BRAF: variants seen among roughly 807,000 people sequenced by gnomAD.
BRAF encodes the protein B-Raf proto-oncogene, serine/threonine kinase.
Under a neutral mutation model 104.6 loss-of-function variants are expected in BRAF, and 16 were observed. The ratio of observed to expected loss-of-function variants is 0.15; its 90% CI spans 0.10 to 0.23. The LOEUF is 0.23. BRAF is among the 10% of genes least tolerant of loss of function. BRAF has a pLI of 1.00. For missense variants in BRAF, 541 were observed against 937.3 expected, an observed-to-expected ratio of 0.58 and a Z score of 5.52; for synonymous variants, 310 against 341.6, an observed-to-expected ratio of 0.91 and a Z score of 1.02.
intron 17 of BRAF, among the ~76,000 whole-genome samples, chr7:140,742,073 A>G (rs924150553): frequency 2.0e-5 from 3 of 152,224 alleles, no homozygotes; most frequent in Non-Finnish European, 4.4e-5. Flanking sequence ...AAGGTGAGTG[A>G]TAACTTTTTG....
chr7:140,775,783 C>G (rs946890114), intron 14 of BRAF, among the ~76,000 whole-genome samples: 32 of 151,930 alleles, frequency 2.1e-4, no homozygotes, highest in Admixed American at 6.6e-4. Context: ...GTATTTTGGC[C>G]GAATATAGGC....
At chr7:140,759,062 C>T (rs918826700) in intron 14 of BRAF, among the ~76,000 whole-genome samples, 3 of 152,214 alleles carry the variant, frequency 2.0e-5, no homozygotes, top group Non-Finnish European at 4.4e-5. Flanking sequence ...GTGAGATTCA[C>T]GCACTGGCTG....
chr7:140,784,532 A>G (rs1174102217), intron 10 of BRAF, among the ~76,000 whole-genome samples: 1 of 152,220 alleles, frequency 6.6e-6, no homozygotes, highest in African/African-American at 2.4e-5. Context: ...GGGCTGAGAG[A>G]GCAAAAATCT....
intron 1 of BRAF, among the ~76,000 whole-genome samples, chr7:140,912,821 T>G (rs890874086): frequency 6.6e-6 from 1 of 152,232 alleles, no homozygotes; most frequent in Non-Finnish European, 1.5e-5. Context: ...GTGCTGGGAT[T>G]ACAGGCGTGA....
chr7:140,759,529 G>A (rs1798490551), intron 14 of BRAF, among the ~76,000 whole-genome samples: 1 of 152,196 alleles, frequency 6.6e-6, no homozygotes, highest in South Asian at 2.1e-4. Context: ...TGGGATTACA[G>A]GCAAGTACCA....
intron 8 of BRAF, among the ~76,000 whole-genome samples, chr7:140,788,417 GAAGT>G (rs1321355295): frequency 6.6e-6 from 1 of 152,058 alleles, no homozygotes; most frequent in Non-Finnish European, 1.5e-5. Flanking sequence ...TCAATTTAAT[GAAGT>G]ATTATGCAGC....
At chr7:140,765,539 C>T (rs1280576355) in intron 14 of BRAF, among the ~76,000 whole-genome samples, 6 of 151,856 alleles carry the variant, frequency 4.0e-5, no homozygotes, top group Non-Finnish European at 8.8e-5. Flanking sequence ...AAAATTTTCG[C>T]AACCTACTCA....
chr7:140,742,169 G>A (rs1207397851), intron 17 of BRAF, among the ~76,000 whole-genome samples: 1 of 151,788 alleles, frequency 6.6e-6, no homozygotes, highest in Non-Finnish European at 1.5e-5. Flanking sequence ...TGCCAGAGGT[G>A]TATAGACATG....
At chr7:140,862,680 A>T (rs1810545986) in intron 1 of BRAF, among the ~76,000 whole-genome samples, 1 of 152,170 alleles carries the variant, frequency 6.6e-6, no homozygotes, top group Non-Finnish European at 1.5e-5. Flanking sequence ...GAAGACGGAA[A>T]GTAGATTACT....
intron 1 of BRAF, among the ~76,000 whole-genome samples, chr7:140,899,429 CA>C (rs1815346450): frequency 6.6e-6 from 1 of 152,104 alleles, no homozygotes; most frequent in East Asian, 1.9e-4. Flanking sequence ...TATTATTTTC[CA>C]AAGGATTTTT....
At chr7:140,917,957 G>A (rs893408645) in intron 1 of BRAF, among the ~76,000 whole-genome samples, 2 of 152,090 alleles carry the variant, frequency 1.3e-5, no homozygotes, top group African/African-American at 4.8e-5. Context: ...CAGTATTGTT[G>A]AGGAATTGTG....
downstream of BRAF, among the ~76,000 whole-genome samples, chr7:140,716,307 T>A (rs986961973): frequency 6.6e-6 from 1 of 152,236 alleles, no homozygotes; most frequent in Non-Finnish European, 1.5e-5. Context: ...TTTGGGCAAA[T>A]AACTTTGATC....
At chr7:140,888,619 T>C (rs2129112517) in intron 1 of BRAF, among the ~76,000 whole-genome samples, 1 of 152,182 alleles carries the variant, frequency 6.6e-6, no homozygotes, top group East Asian at 1.9e-4. Context: ...GCAGATCACC[T>C]GAGGTTGGGA....
intron 4 of BRAF, 25 bp downstream of exon 4, chr7:140,808,867 A>G (rs766265660): frequency 6.3e-7 from 1 of 1,580,624 alleles, no homozygotes; most frequent in Non-Finnish European, 8.7e-7. Flanking sequence ...TTTAAACAAA[A>G]TTTCACGTCA....
In BRAF at chr7:140,739,698, T is replaced by A. The variant is rs1237702170; in HGVS notation, c.2247+114A>T. The A allele has an allele frequency of 3.2e-6, 4 of 1,240,918 alleles. No individual in the cohort carries two copies. In the African/African-American group the frequency reaches 4.5e-5, roughly 14 times the overall value. 76.9% of individuals were successfully genotyped at this position (1,240,918 alleles called of 1,614,324 possible). A position where few individuals can be genotyped will look rare whatever the true frequency, so the allele number is the denominator to read the frequency against. The stretch of plus-strand genomic sequence containing the variant: ...TCTTAATGTGTTTTCTTGTCTGGAG[T>A]CTGCACATAGAATCCAAACTCATGA... On this transcript the variant is annotated intron_variant, in intron 18 of 19. Transcript: ENST00000644969.
intron 1 of BRAF, among the ~76,000 whole-genome samples, chr7:140,915,829 T>C (rs1415253592): frequency 6.6e-6 from 1 of 152,006 alleles, no homozygotes. Flanking sequence ...TGCCAAGATA[T>C]TGTATTACTC....
At chr7:140,758,574 C>T (rs1798395201) in intron 14 of BRAF, among the ~76,000 whole-genome samples, 1 of 152,016 alleles carries the variant, frequency 6.6e-6, no homozygotes, top group Non-Finnish European at 1.5e-5. Flanking sequence ...CCCAACTCAG[C>T]ATCTTGTGTA....
intron 1 of BRAF, among the ~76,000 whole-genome samples, chr7:140,917,560 A>G (rs766546406): frequency 3.9e-5 from 6 of 152,160 alleles, no homozygotes; most frequent in Non-Finnish European, 7.4e-5. Flanking sequence ...CCAGAGTTCA[A>G]GTCCAGCCTG....
rs71645954 is a variant in BRAF at position 140,800,535 on chromosome 7, T to C, written c.861-54A>G. ...TTGTGCAAAACCCAGAAGCTTCATA[T>C]ACCAAAATACATAGTTAACCAAAAA... is the stretch of plus-strand genomic sequence containing the variant. On this transcript the variant is annotated intron_variant, in intron 6 of 19. Transcript: ENST00000644969. 1.7e-3 allele frequency: 2,752 copies of C among 1,612,878 alleles called. 40 individuals carry two copies. In the African/African-American group the frequency reaches 0.03, roughly 18 times the overall value.
Sources: allele counts gnomAD v4.1 joint callset (sites outside exome capture counted in the v4.1 genomes callset), GRCh38; gene constraint gnomAD v4.1.1; transcripts MANE v1.5; gene names NCBI Gene and HGNC (gene_info 2026-07-23, HGNC 2026-07-21).